Variants in GAREM1 observed in about 807,000 individuals in gnomAD.
GAREM1 encodes the protein GRB2 associated regulator of MAPK1 subtype 1.
GAREM1 carries 26 observed loss-of-function variants against 71.3 expected under a neutral mutation model. The observed-to-expected ratio is 0.36, with a 90% CI of 0.27 to 0.51. The LOEUF is 0.51. Ranked by LOEUF, GAREM1 falls within the 20% of genes least tolerant of loss-of-function variation. GAREM1 has a pLI of 0.95. For synonymous variants in GAREM1, 440 were observed against 433.2 expected (o/e 1.02, Z -0.20); for missense variants, 1,026 against 1,103.1 (o/e 0.93, Z 0.99).
intron 1 of GAREM1, among the ~76,000 whole-genome samples, chr18:32,427,544 A>T (rs1331896913): frequency 1.3e-5 from 2 of 152,178 alleles, no homozygotes; most frequent in African/African-American, 4.8e-5. Flanking sequence ...CACCACTATC[A>T]GAAGCATCGA....
chr18:32,421,893 T>G (rs1674558257), intron 1 of GAREM1, among the ~76,000 whole-genome samples: 1 of 152,134 alleles, frequency 6.6e-6, no homozygotes. Context: ...GCAGGTGATA[T>G]AAACAAACTA....
chr18:32,420,668 T>C (rs2048511196), intron 1 of GAREM1, among the ~76,000 whole-genome samples: 1 of 151,462 alleles, frequency 6.6e-6, no homozygotes. Context: ...TCCAATGTTT[T>C]AGGAGGCCAA....
At chr18:32,444,478 C>T (rs995782922) in intron 1 of GAREM1, among the ~76,000 whole-genome samples, 1 of 152,080 alleles carries the variant, frequency 6.6e-6, no homozygotes, top group African/African-American at 2.4e-5. Flanking sequence ...CTGGTTTCAA[C>T]GGGATGATTC....
chr18:32,296,707 G>T (rs73956865), intron 3 of GAREM1, among the ~76,000 whole-genome samples: 364 of 140,012 alleles, frequency 2.6e-3, no homozygotes, highest in African/African-American at 8.5e-3. Flanking sequence ...TTTCTTGGCA[G>T]TTTTTTTTTT....
intron 2 of GAREM1, among the ~76,000 whole-genome samples, chr18:32,344,834 GGC>G (rs2047679013): frequency 6.6e-6 from 1 of 152,144 alleles, no homozygotes; most frequent in Non-Finnish European, 1.5e-5. Flanking sequence ...GGCCAAGGCG[GGC>G]AGAACACAAG....
chr18:32,468,960 T>TACC (rs2049023776), intron 1 of GAREM1, among the ~76,000 whole-genome samples: 1 of 82,164 alleles, frequency 1.2e-5, no homozygotes, highest in African/African-American at 4.9e-5. Flanking sequence ...CACCTGTGCG[T>TACC]CCCCCCCCCC....
At chr18:32,401,482 G>A (rs1477035643) in intron 1 of GAREM1, among the ~76,000 whole-genome samples, 1 of 152,084 alleles carries the variant, frequency 6.6e-6, no homozygotes, top group East Asian at 1.9e-4. Flanking sequence ...CAGAGATCGA[G>A]ACTTCAGCAG....
intron 2 of GAREM1, among the ~76,000 whole-genome samples, chr18:32,383,570 GAAGTGAGAC>G (rs1398938594): frequency 6.6e-6 from 1 of 152,176 alleles, no homozygotes; most frequent in Non-Finnish European, 1.5e-5. Flanking sequence ...ATCAAATTAT[GAAGTGAGAC>G]AAGCACTTTC....
intron 1 of GAREM1, among the ~76,000 whole-genome samples, chr18:32,419,190 C>G (rs1337172690): frequency 6.6e-6 from 1 of 152,198 alleles, no homozygotes; most frequent in Admixed American, 6.5e-5. Flanking sequence ...TGCTAAATCC[C>G]TCTCAGGCTT....
intron 1 of GAREM1, among the ~76,000 whole-genome samples, chr18:32,420,580 T>C (rs947687696): frequency 1.3e-5 from 2 of 151,960 alleles, no homozygotes; most frequent in Admixed American, 6.6e-5. Context: ...CATATACCCA[T>C]GGGAAGTTTG....
chr18:32,370,073 T>C (rs1218389932), intron 2 of GAREM1, among the ~76,000 whole-genome samples: 1 of 152,150 alleles, frequency 6.6e-6, no homozygotes, highest in East Asian at 1.9e-4. Flanking sequence ...ACTGGCAGGG[T>C]GCGGGCTACT....
intron 1 of GAREM1, among the ~76,000 whole-genome samples, chr18:32,396,741 T>C (rs1301329533): frequency 6.6e-6 from 1 of 152,126 alleles, no homozygotes; most frequent in Non-Finnish European, 1.5e-5. Context: ...TGCAGGATAT[T>C]ATCCAGGAGA....
chr18:32,451,569 TATA>T (rs2144293550), intron 1 of GAREM1, among the ~76,000 whole-genome samples: 1 of 152,270 alleles, frequency 6.6e-6, no homozygotes, highest in African/African-American at 2.4e-5. Context: ...AATCTTACCT[TATA>T]ATATTTCCCA....
intron 2 of GAREM1, among the ~76,000 whole-genome samples, chr18:32,354,298 G>C (rs1452460916): frequency 6.6e-6 from 1 of 152,116 alleles, no homozygotes; most frequent in Non-Finnish European, 1.5e-5. Flanking sequence ...AGATAGAGTT[G>C]CCAACTTTAA....
At chr18:32,407,897 A>G (rs1484223572) in intron 1 of GAREM1, among the ~76,000 whole-genome samples, 1 of 152,156 alleles carries the variant, frequency 6.6e-6, no homozygotes, top group East Asian at 1.9e-4. Context: ...TTTAAATAAA[A>G]TTTAAATATT....
intron 1 of GAREM1, among the ~76,000 whole-genome samples, chr18:32,395,397 T>C (rs143325593): frequency 7.9e-5 from 12 of 152,210 alleles, no homozygotes; most frequent in African/African-American, 2.6e-4. Flanking sequence ...CCAATACCAA[T>C]AACAAAACTA....
rs188047503 is a variant in GAREM1, at chr18:32,358,909, T to C, written c.262+33986A>G. 7.7e-4 allele frequency among the ~76,000 whole-genome samples: 117 copies of C among 152,300 alleles called. 1 individual carries two copies. The East Asian group carries it at 0.018, about 24-fold the overall frequency. Reference sequence around the variant, plus strand: ...TGGGTTCTCTCTTGTGCCTAAATTATTAAGAATTTCAAAACGGCGACAGCA... The same window carrying C: ...TGGGTTCTCTCTTGTGCCTAAATTACTAAGAATTTCAAAACGGCGACAGCA... On this transcript the variant is annotated intron_variant, in intron 2 of 5. Coordinates refer to ENST00000269209, the MANE Select transcript of GAREM1 (RefSeq NM_001242409.2).
At position 32,361,881 on chromosome 18, in the gene GAREM1, G is replaced by T. The variant is rs182414023; in HGVS notation, c.262+31014C>A. Among the ~76,000 whole-genome samples the T allele has an allele frequency of 7.6e-4, 116 of 152,204 alleles. 1 individual carries two copies. The East Asian group carries it at 0.018, about 24-fold the overall frequency. ...CTTTTTTTGGAGACATATGTACCAG[G>T]TTAAAAATTTAAATGATGAATACAG... On this transcript the variant is annotated intron_variant, in intron 2 of 5. Transcript: ENST00000269209.
At chr18:32,413,582 A>G (rs1053474636) in intron 1 of GAREM1, among the ~76,000 whole-genome samples, 14 of 152,208 alleles carry the variant, frequency 9.2e-5, no homozygotes, top group African/African-American at 3.4e-4. Flanking sequence ...AAAGGACACT[A>G]TATCAAAATA....
Sources: allele counts gnomAD v4.1 joint callset (sites outside exome capture counted in the v4.1 genomes callset), GRCh38; gene constraint gnomAD v4.1.1; transcripts MANE v1.5; gene names NCBI Gene and HGNC (gene_info 2026-07-23, HGNC 2026-07-21).